PDE5A: variants seen among roughly 807,000 people sequenced by gnomAD.
The protein encoded by PDE5A is cGMP-specific 3',5'-cyclic phosphodiesterase.
PDE5A carries 67 observed loss-of-function variants against 110.2 expected under a neutral mutation model. The observed-to-expected ratio is 0.61, with a 90% CI of 0.50 to 0.75. The LOEUF (loss-of-function observed/expected upper bound fraction) is 0.75. PDE5A is among the 30% of genes least tolerant of loss of function. The probability of loss-of-function intolerance (pLI) is 0.00; values close to 1 mark genes in which losing one functional copy is unlikely to be tolerated. For synonymous variants in PDE5A, 328 were observed against 351.2 expected, an observed-to-expected ratio of 0.93 and a Z score of 0.74; for missense variants, 862 against 1,045.1, an observed-to-expected ratio of 0.82 and a Z score of 2.42.
chr4:119,578,118 T>A (rs2110518625), intron 3 of PDE5A, among the ~76,000 whole-genome samples: 1 of 152,110 alleles, frequency 6.6e-6, no homozygotes, highest in East Asian at 1.9e-4. Context: ...TACCTAGGAA[T>A]CCAACTTACA....
intron 11 of PDE5A, 157 bp downstream of exon 11, chr4:119,538,803 T>C (rs1726818755): frequency 5.8e-5 from 39 of 676,000 alleles, no homozygotes; most frequent in South Asian, 4.0e-4. Flanking sequence ...TATAAGTTAT[T>C]TAATGCCTTT....
intron 3 of PDE5A, among the ~76,000 whole-genome samples, chr4:119,579,417 A>T (rs929231120): frequency 2.6e-5 from 4 of 152,080 alleles, no homozygotes; most frequent in Middle Eastern, 3.2e-3. Context: ...CTATTCACAA[A>T]AGCAAAGACT....
intron 19 of PDE5A, among the ~76,000 whole-genome samples, chr4:119,502,115 C>T (rs1324616480): frequency 6.6e-6 from 1 of 152,070 alleles, no homozygotes; most frequent in Non-Finnish European, 1.5e-5. Flanking sequence ...CTTCCTTTCT[C>T]TGTCAGCCAC....
chr4:119,527,758 A>G (rs1166599470), intron 11 of PDE5A, among the ~76,000 whole-genome samples: 1 of 151,182 alleles, frequency 6.6e-6, no homozygotes, highest in Non-Finnish European at 1.5e-5. Context: ...GGATTTTATT[A>G]TTGCATTACG....
intron 11 of PDE5A, among the ~76,000 whole-genome samples, chr4:119,535,062 G>T (rs1192336364): frequency 6.6e-6 from 1 of 152,124 alleles, no homozygotes. Flanking sequence ...AGAAAGGAAG[G>T]TTGCCGGGAC....
intron 7 of PDE5A, among the ~76,000 whole-genome samples, chr4:119,554,303 C>A (rs7694856): frequency 0.023 from 3,429 of 152,164 alleles, 134 homozygotes; most frequent in African/African-American, 0.078. Flanking sequence ...CCTCTCTACA[C>A]CTTTTTTCTG....
chr4:119,603,996 G>A (rs943880548), intron 2 of PDE5A, among the ~76,000 whole-genome samples: 1 of 152,126 alleles, frequency 6.6e-6, no homozygotes, highest in South Asian at 2.1e-4. Context: ...TTAGCCAACT[G>A]ACTTCCACTG....
At chr4:119,526,975 C>G (rs1726345051) in intron 11 of PDE5A, 1 of 152,098 alleles carries the variant, frequency 6.6e-6, no homozygotes, top group African/African-American at 2.4e-5. Context: ...GTTGTTTATT[C>G]CAGCCTCCAA....
chr4:119,578,949 G>A (rs1728486330), intron 3 of PDE5A, among the ~76,000 whole-genome samples: 1 of 151,950 alleles, frequency 6.6e-6, no homozygotes, highest in Admixed American at 6.6e-5. Flanking sequence ...TCTGACAAAG[G>A]GCTAATATCC....
intron 1 of PDE5A, among the ~76,000 whole-genome samples, chr4:119,621,827 T>C (rs1477340384): frequency 2.0e-5 from 3 of 152,340 alleles, no homozygotes; most frequent in South Asian, 2.1e-4. Context: ...TAATATATTG[T>C]AAATCAAAAA....
intron 1 of PDE5A, among the ~76,000 whole-genome samples, chr4:119,619,466 T>C (rs1222649141): frequency 6.6e-6 from 1 of 152,172 alleles, no homozygotes; most frequent in African/African-American, 2.4e-5. Context: ...AGTTAGCTAA[T>C]AGCAAAGCTG....
rs1295639524 is a variant in PDE5A at position 119,495,485 on chromosome 4, A to T, written c.*3116T>A. ...TTGTGATGGCCTGTTAAGTTTTAGGAGTACAATCTGGTGAAAAACACAGAA... is the reference window on the plus strand; with the variant it reads ...TTGTGATGGCCTGTTAAGTTTTAGGTGTACAATCTGGTGAAAAACACAGAA... On this transcript the variant is annotated 3_prime_UTR_variant, in exon 21 of 21. Coordinates refer to ENST00000354960, the MANE Select transcript of PDE5A (RefSeq NM_001083.4). The T allele has an allele frequency of 6.6e-6, 1 of 152,538 alleles. No individual in the cohort carries two copies. The highest frequency in any genetic ancestry group is 1.5e-5 in the Non-Finnish European group (1 of 68,020). The allele number at this position is 152,538 out of a possible 1,614,324, so 9.4% of individuals were successfully genotyped here. A position where few individuals can be genotyped will look rare whatever the true frequency, so the allele number is the denominator to read the frequency against.
chr4:119,596,275 A>G (rs1321663991), intron 3 of PDE5A, among the ~76,000 whole-genome samples: 2 of 152,112 alleles, frequency 1.3e-5, no homozygotes, highest in Non-Finnish European at 2.9e-5. Context: ...GCCTTCAGGA[A>G]GAGGGGAGGT....
At position 119,525,235 on chromosome 4, in the gene PDE5A, T is replaced by C. The variant is rs1726269087; in HGVS notation, c.1779+314A>G. ...TCTTCCATTGCTTCTCTTGCCATTCTTACCCCTCAACAGTACTCCTGGCCC... is the reference window on the plus strand; with the variant it reads ...TCTTCCATTGCTTCTCTTGCCATTCCTACCCCTCAACAGTACTCCTGGCCC... On this transcript the variant is annotated intron_variant, in intron 12 of 20. Transcript: ENST00000354960. This position sits in a 1 kb window ranked among gnomAD's most constrained non-coding sequence, Gnocchi z 4.3. Among the ~76,000 whole-genome samples, 1 of 152,064 alleles carries C rather than the reference T, an allele frequency of 6.6e-6. No homozygotes were observed. Among genetic ancestry groups the C allele is most frequent in the African/African-American group, 2.4e-5 (1 of 41,438 alleles).
intron 1 of PDE5A, among the ~76,000 whole-genome samples, chr4:119,622,873 AAAAAGAAAGAAAG>A (rs1730204909): frequency 6.6e-6 from 1 of 150,738 alleles, no homozygotes; most frequent in Non-Finnish European, 1.5e-5. Context: ...CGAAAAAAAA[AAAAAGAAAGAAAG>A]AAAAAAAAAG....
At position 119,563,530 on chromosome 4, in the gene PDE5A, C is replaced by T. The variant is rs184492775; in HGVS notation, c.994-560G>A. Among the ~76,000 whole-genome samples, 142 of 152,094 alleles carry T rather than the reference C, an allele frequency of 9.3e-4. No homozygotes were observed. The Middle Eastern group carries it at 0.01, about 11-fold the overall frequency. On this transcript the variant is annotated intron_variant, in intron 5 of 20. Transcript: ENST00000354960. ...ATTACCAAAAACTTAGTGGAGGTGA[C>T]GCTATCCTAGCTGAGGTCTGAAAGA...
At chr4:119,506,036 T>A (rs2110457265) in intron 16 of PDE5A, 104 bp from the exon 17 acceptor site, 1 of 539,736 alleles carries the variant, frequency 1.9e-6, no homozygotes, top group Non-Finnish European at 3.2e-6. Flanking sequence ...AAAAAACCTC[T>A]GATTTTTTTT....
At chr4:119,628,290 G>A (rs982094173) in intron 1 of PDE5A, among the ~76,000 whole-genome samples, 1 of 44,796 alleles carries the variant, frequency 2.2e-5, no homozygotes, top group African/African-American at 5.6e-5. Context: ...TCGGGGGTGA[G>A]GGTGGGAGGT....
chr4:119,561,909 T>G (rs1191723079), intron 6 of PDE5A, among the ~76,000 whole-genome samples: 2 of 152,200 alleles, frequency 1.3e-5, no homozygotes, highest in African/African-American at 4.8e-5. Context: ...TTAATATAAA[T>G]TAAGTACTGA....
Sources: gnomAD v4.1 joint callset for allele counts (sites outside exome capture counted in the v4.1 genomes callset) on GRCh38, gnomAD v4.1.1 for gene constraint, Gnocchi (gnomAD v3.1) non-coding constraint, MANE v1.5 for transcripts, NCBI Gene and HGNC (gene_info 2026-07-23, HGNC 2026-07-21) for gene names.